The following VPS54 variants were observed in gnomAD, a reference collection of about 807,000 sequenced individuals.
VPS54 encodes vacuolar protein sorting-associated protein 54.
Under a neutral mutation model 121.5 loss-of-function variants are expected in VPS54, and 45 were observed. The observed-to-expected ratio is 0.37, with a 90% CI of 0.29 to 0.47. The LOEUF is 0.47. Ranked by LOEUF, VPS54 falls within the 20% of genes least tolerant of loss-of-function variation. The pLI is 0.99. For synonymous variants in VPS54, 371 were observed against 385.8 expected, an observed-to-expected ratio of 0.96 and a Z score of 0.45; for missense variants, 1,090 against 1,131.4, an observed-to-expected ratio of 0.96 and a Z score of 0.52.
At chr2:64,011,233 T>C (rs1454495900) in intron 1 of VPS54, among the ~76,000 whole-genome samples, 3 of 152,180 alleles carry the variant, frequency 2.0e-5, no homozygotes, top group African/African-American at 4.8e-5. Flanking sequence ...TGTCTTTTTT[T>C]CCCCAGCACT....
intron 6 of VPS54, among the ~76,000 whole-genome samples, chr2:63,963,640 T>C (rs1182657849): frequency 4.6e-5 from 7 of 152,104 alleles, no homozygotes; most frequent in South Asian, 2.1e-4. Context: ...TCTTACAATA[T>C]CTAAATAGGT....
At chr2:63,966,957 T>C (rs145769956) in intron 5 of VPS54, among the ~76,000 whole-genome samples, 1 of 152,348 alleles carries the variant, frequency 6.6e-6, no homozygotes, top group East Asian at 1.9e-4. Flanking sequence ...AATGTGTCGT[T>C]GTGCATGACA....
At chr2:63,926,045 A>G (rs781005638) in intron 12 of VPS54, among the ~76,000 whole-genome samples, 13 of 152,254 alleles carry the variant, frequency 8.5e-5, no homozygotes, top group Non-Finnish European at 1.8e-4. Flanking sequence ...AGGTGGGCTT[A>G]GTTCTACCCA....
At chr2:63,923,172 C>T (rs1187133891) in intron 12 of VPS54, among the ~76,000 whole-genome samples, 1 of 151,854 alleles carries the variant, frequency 6.6e-6, no homozygotes, top group Non-Finnish European at 1.5e-5. Context: ...AAAAATTAGC[C>T]AGGCGTGGTG....
intron 12 of VPS54, among the ~76,000 whole-genome samples, chr2:63,924,871 G>GA (rs1466887872): frequency 6.6e-6 from 1 of 152,014 alleles, no homozygotes; most frequent in African/African-American, 2.4e-5. Flanking sequence ...ATCCATATGG[G>GA]AAAAAAATCT....
chr2:63,942,674 C>A (rs1674797241), intron 10 of VPS54, 113 bp from the exon 11 acceptor site: 2 of 809,190 alleles, frequency 2.5e-6, no homozygotes, highest in South Asian at 3.7e-5. Flanking sequence ...AATGCAATTT[C>A]ATCTAGATAC....
At chr2:64,010,376 T>C (rs764450122) in intron 1 of VPS54, among the ~76,000 whole-genome samples, 8 of 152,184 alleles carry the variant, frequency 5.3e-5, no homozygotes, top group Non-Finnish European at 1.0e-4. Flanking sequence ...GTACTGATAA[T>C]ATGCAAGAAA....
chr2:64,004,678 A>G (rs62136443), intron 1 of VPS54, among the ~76,000 whole-genome samples: 18,101 of 152,252 alleles, frequency 0.12, 2,068 homozygotes, highest in African/African-American at 0.3. Context: ...GTTTATGGAT[A>G]CCTTCTTAGA....
In VPS54 at chr2:64,015,518, A is replaced by C. The variant is rs551391771; in HGVS notation, c.-21+3420T>G. ...CTAGGTTTACAATGGTACCATTGACATTTTGAACCGGATAATTTCTTGCAG... is the reference window on the plus strand; with the variant it reads ...CTAGGTTTACAATGGTACCATTGACCTTTTGAACCGGATAATTTCTTGCAG... On this transcript the variant is annotated intron_variant, in intron 1 of 22. Coordinates refer to ENST00000272322, the MANE Select transcript of VPS54 (RefSeq NM_016516.3). Among the ~76,000 whole-genome samples, 31 of 152,268 alleles carry C rather than the reference A, an allele frequency of 2.0e-4. No homozygotes were observed. The East Asian group carries it at 4.4e-3, about 22-fold the overall frequency.
intron 1 of VPS54, among the ~76,000 whole-genome samples, chr2:63,993,863 A>G (rs1196947639): frequency 6.6e-6 from 1 of 152,186 alleles, no homozygotes; most frequent in South Asian, 2.1e-4. Context: ...AGGTCCTACA[A>G]ACAAGCTTAT....
chr2:63,939,934 T>A (rs998369600), intron 11 of VPS54, among the ~76,000 whole-genome samples: 3 of 152,122 alleles, frequency 2.0e-5, no homozygotes, highest in Non-Finnish European at 4.4e-5. Context: ...ATTTTTGTAT[T>A]TTTAGTAGAG....
At chr2:63,939,988 C>T (rs1674646852) in intron 11 of VPS54, among the ~76,000 whole-genome samples, 1 of 152,078 alleles carries the variant, frequency 6.6e-6, no homozygotes, top group African/African-American at 2.4e-5. Flanking sequence ...GATCTCTTGA[C>T]CTTGTGATCT....
intron 7 of VPS54, among the ~76,000 whole-genome samples, chr2:63,958,267 C>T (rs1279464240): frequency 2.6e-5 from 4 of 151,388 alleles, no homozygotes; most frequent in Middle Eastern, 3.2e-3. Flanking sequence ...TCAGAGGTCA[C>T]CAAAAAAGTT....
intron 22 of VPS54, among the ~76,000 whole-genome samples, chr2:63,895,201 A>T (rs938525601): frequency 2.0e-5 from 3 of 152,192 alleles, no homozygotes; most frequent in Non-Finnish European, 4.4e-5. Flanking sequence ...CATACCTATA[A>T]TCCCAGCACT....
chr2:63,967,984 T>G (rs960364166), intron 5 of VPS54, among the ~76,000 whole-genome samples: 1 of 151,990 alleles, frequency 6.6e-6, no homozygotes, highest in South Asian at 2.1e-4. Context: ...CAAAAAAAAG[T>G]TTGGCTGAAG....
chr2:63,985,862 T>C (rs1044995935), intron 1 of VPS54, among the ~76,000 whole-genome samples: 2 of 152,242 alleles, frequency 1.3e-5, no homozygotes, highest in Non-Finnish European at 2.9e-5. Flanking sequence ...ACACATTAAG[T>C]GTATGGTTGT....
intron 12 of VPS54, among the ~76,000 whole-genome samples, chr2:63,928,413 T>A (rs1243471402): frequency 6.6e-6 from 1 of 152,114 alleles, no homozygotes; most frequent in African/African-American, 2.4e-5. Flanking sequence ...AAACTAAGCT[T>A]CATAAGTGAA....
At chr2:64,000,952 T>C (rs1677844185) in intron 1 of VPS54, among the ~76,000 whole-genome samples, 1 of 152,218 alleles carries the variant, frequency 6.6e-6, no homozygotes, top group African/African-American at 2.4e-5. Context: ...GCTTCTGTCC[T>C]TCTCTTCAAG....
intron 1 of VPS54, among the ~76,000 whole-genome samples, chr2:63,991,429 C>G (rs1181307688): frequency 6.6e-6 from 1 of 152,174 alleles, no homozygotes; most frequent in African/African-American, 2.4e-5. Flanking sequence ...CTTGTGAAGG[C>G]ATTGGATCAG....
Sources: gnomAD v4.1 joint callset for allele counts (sites outside exome capture counted in the v4.1 genomes callset) on GRCh38, gnomAD v4.1.1 for gene constraint, MANE v1.5 for transcripts, NCBI Gene and HGNC (gene_info 2026-07-23, HGNC 2026-07-21) for gene names.